Variants in GPN1 observed in about 807,000 individuals in gnomAD.
GPN1 encodes ATP(GTP)-binding protein.
Under a neutral mutation model 55.9 loss-of-function variants are expected in GPN1, and 44 were observed. The observed-to-expected ratio is 0.79, with a 90% CI of 0.62 to 1.01. The LOEUF is 1.01. Ranked by LOEUF, GPN1 falls within the 50% of genes least tolerant of loss-of-function variation. The pLI is 0.00. For synonymous variants in GPN1, 179 were observed against 162.5 expected (o/e 1.10, Z -0.77); for missense variants, 466 against 462.8 (o/e 1.01, Z -0.06).
chr2:27,650,195 A>C lies in GPN1; in HGVS notation c.1120A>C (p.Lys374Gln), dbSNP rs1389988184. Residue 374 changes from lysine (K) to glutamine (Q), a missense_variant, in exon 14 of 14, where the codon AAA becomes CAA. Lys to Gln is a moderately conservative substitution (Grantham distance 53). Coordinates refer to ENST00000610189, the MANE Select transcript of GPN1 (RefSeq NM_007266.4). ...SMAQYWKRNNK is the reference protein window; with the variant it reads ...SMAQYWKRNNQ The stretch of plus-strand genomic sequence containing the variant: ...GGCACAATACTGGAAGAGAAACAAT[A>C]AATAGGAGACTTTAGCACACTTCAC... The C allele has an allele frequency of 6.4e-7, 1 of 1,572,212 alleles. No individual in the cohort carries two copies. Among genetic ancestry groups the C allele is most frequent in the Non-Finnish European group, 8.8e-7 (1 of 1,142,136 alleles).
chr2:27,648,058 G>A (rs190554637), intron 13 of GPN1, 115 bp downstream of exon 13: 9 of 658,440 alleles, frequency 1.4e-5, no homozygotes, highest in Admixed American at 2.4e-5. Flanking sequence ...AAAGGATACA[G>A]CACCAGAAAA....
chr2:27,642,958 TACACAC>T (rs1553358324), intron 12 of GPN1, among the ~76,000 whole-genome samples: 27 of 122,654 alleles, frequency 2.2e-4, no homozygotes, highest in South Asian at 5.6e-4. Flanking sequence ...TATATATATA[TACACAC>T]ACACACACAC....
At chr2:27,639,671 G>A (rs1673863071) in intron 9 of GPN1, among the ~76,000 whole-genome samples, 1 of 151,794 alleles carries the variant, frequency 6.6e-6, no homozygotes. Flanking sequence ...AGGCGTGTGC[G>A]GTATACCATA....
At chr2:27,647,632 G>A (rs1674301339) in intron 12 of GPN1, among the ~76,000 whole-genome samples, 1 of 152,222 alleles carries the variant, frequency 6.6e-6, no homozygotes, top group Admixed American at 6.5e-5. Context: ...GACTCCTAGG[G>A]CTATTTGCCT....
rs368337217 is a variant in GPN1, at chr2:27,641,251, C to T, written c.812C>T (p.Pro271Leu). 5 of 1,607,924 alleles carry T rather than the reference C, an allele frequency of 3.1e-6. No individual in the cohort carries two copies. Among genetic ancestry groups the T allele is most frequent in the African/African-American group, 1.3e-5 (1 of 74,794 alleles). ...GTTTCTCTTTACAGGGAGTATCGTCCTGAATATGAACGTCTGAAAAAATCA... is the reference window on the plus strand; with the variant it reads ...GTTTCTCTTTACAGGGAGTATCGTCTTGAATATGAACGTCTGAAAAAATCA... ...AAEEYEREYR[P>L]EYERLKKSLA... Residue 271 changes from proline (P) to leucine (L), a missense_variant, in exon 11 of 14, where the codon CCT (proline) becomes CTT (leucine). Pro to Leu is a moderately conservative substitution (Grantham distance 98). Coordinates refer to ENST00000610189, the MANE Select transcript of GPN1 (RefSeq NM_007266.4).
intron 12 of GPN1, among the ~76,000 whole-genome samples, chr2:27,646,000 G>C (rs1674208839): frequency 6.6e-6 from 1 of 151,740 alleles, no homozygotes; most frequent in Admixed American, 6.6e-5. Flanking sequence ...AAAGTACTGG[G>C]ATTACAGGTG....
At position 27,631,789 on chromosome 2, in the gene GPN1, ATAATC is replaced by A. The variant is rs375895659; in HGVS notation, c.246-37_246-33del. 1.3e-4 allele frequency: 141 copies of A among 1,116,808 alleles called. 1 individual carries two copies. In the South Asian group the frequency reaches 1.6e-3, roughly 13 times the overall value. 69.2% of individuals were successfully genotyped at this position (1,116,808 alleles called of 1,614,324 possible). On this transcript the variant is annotated intron_variant, in intron 3 of 13. Coordinates refer to ENST00000610189, the MANE Select transcript of GPN1 (RefSeq NM_007266.4). ...GAATGATAGCCTAGGTATGAACTTT[ATAATC>A]TAATCTATAAGCGATTTCAGTCCTC...
intron 5 of GPN1, among the ~76,000 whole-genome samples, chr2:27,633,568 C>T (rs1479875466): frequency 6.6e-6 from 1 of 152,090 alleles, no homozygotes; most frequent in Admixed American, 6.5e-5. Context: ...CTTTGCATCC[C>T]GGGTTCAAGC....
At chr2:27,636,967 G>C (rs963137309) in intron 7 of GPN1, among the ~76,000 whole-genome samples, 2 of 152,122 alleles carry the variant, frequency 1.3e-5, no homozygotes, top group Non-Finnish European at 2.9e-5. Flanking sequence ...ACAGGCATGA[G>C]TCACACCCCC....
intron 13 of GPN1, 127 bp downstream of exon 13, chr2:27,648,070 A>G (rs1265455588): frequency 1.6e-6 from 1 of 637,742 alleles, no homozygotes; most frequent in Non-Finnish European, 2.8e-6. Flanking sequence ...ACCAGAAAAG[A>G]GTTTCCTATA....
chr2:27,629,522 C>T (rs116756341), intron 1 of GPN1: 11,740 of 908,926 alleles, frequency 0.013, 88 homozygotes, highest in Middle Eastern at 0.034. Context: ...ATTTCTTGCA[C>T]GCCTGTCATG....
At chr2:27,640,884 A>C (rs1673918820) in intron 10 of GPN1, among the ~76,000 whole-genome samples, 1 of 152,176 alleles carries the variant, frequency 6.6e-6, no homozygotes, top group Admixed American at 6.5e-5. Context: ...GTTGTTGTTC[A>C]AGTAAAGCAC....
At chr2:27,629,656 C>T (rs1356713782) in intron 1 of GPN1, among the ~76,000 whole-genome samples, 1 of 151,966 alleles carries the variant, frequency 6.6e-6, no homozygotes, top group Admixed American at 6.5e-5. Flanking sequence ...CAAGTGACTA[C>T]GAGTAGGGGA....
intron 4 of GPN1, 47 bp downstream of exon 4, chr2:27,631,947 A>G (rs1289228704): frequency 9.6e-7 from 1 of 1,047,086 alleles, no homozygotes; most frequent in Non-Finnish European, 1.5e-6. Context: ...AAAATCTGTG[A>G]CTCTTAAATT....
intron 9 of GPN1, 77 bp from the exon 10 acceptor site, chr2:27,639,966 C>A: frequency 2.0e-6 from 2 of 995,138 alleles, no homozygotes; most frequent in African/African-American, 1.6e-5. Context: ...GATTTTATGA[C>A]ATTTAAACAA....
chr2:27,644,817 T>G (rs1037564260), intron 12 of GPN1, among the ~76,000 whole-genome samples: 1 of 150,706 alleles, frequency 6.6e-6, no homozygotes, highest in African/African-American at 2.4e-5. Flanking sequence ...CCAACTAGTT[T>G]GGATAGGTGT....
chr2:27,641,164 T>C, intron 10 of GPN1, 76 bp from the exon 11 acceptor site: 1 of 920,478 alleles, frequency 1.1e-6, no homozygotes, highest in South Asian at 1.4e-5. Context: ...CTTAGGAAAA[T>C]AGAGATAAGG....
At chr2:27,631,665 T>G (rs75084616) in intron 3 of GPN1, 169 bp from the exon 4 acceptor site, 1 of 621,430 alleles carries the variant, frequency 1.6e-6, no homozygotes. Context: ...CAGACCTTGA[T>G]AATGACTGTT....
rs1296359976 is a variant in GPN1, at chr2:27,629,399, G to T, written c.111+230G>T. 3 of 1,551,230 alleles carry T rather than the reference G, an allele frequency of 1.9e-6. No homozygotes were observed. In the South Asian group the frequency reaches 3.6e-5, roughly 18 times the overall value. ...GGGCATACTCGGTCCAGCTTACCAC[G>T]TTGTACAGGAATTGTCTTGCTGATA... On this transcript the variant is annotated intron_variant, in intron 1 of 13. Transcript: ENST00000610189.
Sources: allele counts gnomAD v4.1 joint callset (sites outside exome capture counted in the v4.1 genomes callset), GRCh38; gene constraint gnomAD v4.1.1; transcripts MANE v1.5; gene names NCBI Gene and HGNC (gene_info 2026-07-23, HGNC 2026-07-21).